Variants in ADAMTS12 observed in about 807,000 individuals in gnomAD.
ADAMTS12 encodes A disintegrin and metalloproteinase with thrombospondin motifs 12.
Under a neutral mutation model 167.8 loss-of-function variants are expected in ADAMTS12, and 118 were observed. That is an observed-to-expected ratio of 0.70 (90% CI 0.61 to 0.82). ADAMTS12 has a LOEUF of 0.82. Ranked by LOEUF, ADAMTS12 falls within the 40% of genes least tolerant of loss-of-function variation. ADAMTS12 has a pLI of 0.00. For synonymous variants in ADAMTS12, 704 were observed against 716.9 expected (o/e 0.98, Z 0.29); for missense variants, 1,916 against 1,998.8 (o/e 0.96, Z 0.79).
intron 19 of ADAMTS12, among the ~76,000 whole-genome samples, chr5:33,571,239 A>C (rs1201793195): frequency 2.0e-5 from 3 of 152,166 alleles, no homozygotes; most frequent in Admixed American, 6.5e-5. Context: ...CTCTGCACCA[A>C]GTGGACCTAA....
chr5:33,534,735 A>G (rs1278684852), intron 23 of ADAMTS12, 98 bp downstream of exon 23: 6 of 1,451,442 alleles, frequency 4.1e-6, no homozygotes, highest in African/African-American at 1.4e-5. Flanking sequence ...AAGATTTTCT[A>G]TTCAGTAAAA....
chr5:33,695,504 G>T (rs1742723234), intron 3 of ADAMTS12, among the ~76,000 whole-genome samples: 1 of 152,158 alleles, frequency 6.6e-6, no homozygotes, highest in Non-Finnish European at 1.5e-5. Context: ...ATGAAATATT[G>T]TTCAGCCTTA....
At chr5:33,779,411 C>G (rs559215054) in intron 2 of ADAMTS12, among the ~76,000 whole-genome samples, 1 of 152,210 alleles carries the variant, frequency 6.6e-6, no homozygotes, top group South Asian at 2.1e-4. Context: ...GTCTTGAACT[C>G]CTGACCTCAA....
chr5:33,870,229 T>C (rs1343773623), intron 2 of ADAMTS12, among the ~76,000 whole-genome samples: 1 of 152,180 alleles, frequency 6.6e-6, no homozygotes, highest in Non-Finnish European at 1.5e-5. Flanking sequence ...CACAGGGTCC[T>C]GAGGCGACAT....
At chr5:33,832,618 G>A (rs780957056) in intron 2 of ADAMTS12, among the ~76,000 whole-genome samples, 46 of 152,278 alleles carry the variant, frequency 3.0e-4, no homozygotes, top group African/African-American at 1.0e-3. Context: ...CTGGCAATGC[G>A]CATGCTCAGA....
At chr5:33,720,006 C>G (rs1219689344) in intron 3 of ADAMTS12, among the ~76,000 whole-genome samples, 1 of 152,030 alleles carries the variant, frequency 6.6e-6, no homozygotes, top group Non-Finnish European at 1.5e-5. Flanking sequence ...GTATGGTGAC[C>G]TTATACATCT....
chr5:33,655,431 A>G (rs1420722613), intron 7 of ADAMTS12, among the ~76,000 whole-genome samples: 1 of 152,044 alleles, frequency 6.6e-6, no homozygotes, highest in Non-Finnish European at 1.5e-5. Flanking sequence ...TGTGTTGTAT[A>G]TCGTTCTTGG....
At position 33,859,728 on chromosome 5, in the gene ADAMTS12, G is replaced by A. The variant is rs187473265; in HGVS notation, c.489+21391C>T. On this transcript the variant is annotated intron_variant, in intron 2 of 23. Transcript: ENST00000504830. The stretch of plus-strand genomic sequence containing the variant: ...CCTCCTGACTGGGAAACACCTCCCA[G>A]CAGGGGTCGACAGACACCTCATACA... Among the ~76,000 whole-genome samples the A allele has an allele frequency of 7.9e-5, 12 of 152,276 alleles. 1 individual carries two copies. Among genetic ancestry groups the A allele is most frequent in the Non-Finnish European group, 1.5e-5 (1 of 68,012 alleles).
chr5:33,850,991 G>A (rs181535330), intron 2 of ADAMTS12, among the ~76,000 whole-genome samples: 25 of 152,324 alleles, frequency 1.6e-4, no homozygotes, highest in African/African-American at 5.5e-4. Context: ...TTCTCTTAGA[G>A]CTTCTGGCTA....
intron 11 of ADAMTS12, among the ~76,000 whole-genome samples, chr5:33,641,136 G>A (rs1299275367): frequency 6.6e-6 from 1 of 151,856 alleles, no homozygotes; most frequent in Non-Finnish European, 1.5e-5. Context: ...AATTAAGAAT[G>A]TAATGTGTAT....
intron 2 of ADAMTS12, among the ~76,000 whole-genome samples, chr5:33,849,939 C>T (rs917269916): frequency 6.6e-5 from 10 of 151,830 alleles, no homozygotes; most frequent in African/African-American, 2.4e-4. Flanking sequence ...AATATATACA[C>T]ACACTATACT....
chr5:33,676,172 T>C (rs1040155459), intron 5 of ADAMTS12, among the ~76,000 whole-genome samples: 2 of 152,200 alleles, frequency 1.3e-5, no homozygotes, highest in Non-Finnish European at 2.9e-5. Context: ...GAAGAAATCA[T>C]AGAAAGCTCA....
chr5:33,752,131 G>A (rs980284066), intron 2 of ADAMTS12, among the ~76,000 whole-genome samples: 3 of 152,212 alleles, frequency 2.0e-5, no homozygotes, highest in African/African-American at 7.2e-5. Context: ...TAGGGAAAGG[G>A]GAATATTCTC....
intron 2 of ADAMTS12, among the ~76,000 whole-genome samples, chr5:33,857,794 T>C (rs929438560): frequency 1.7e-4 from 26 of 152,238 alleles, no homozygotes; most frequent in African/African-American, 6.0e-4. Flanking sequence ...TCGCTTCACC[T>C]GGAAGACCTA....
intron 2 of ADAMTS12, among the ~76,000 whole-genome samples, chr5:33,835,236 G>A (rs1310841309): frequency 6.6e-6 from 1 of 152,070 alleles, no homozygotes; most frequent in Non-Finnish European, 1.5e-5. Context: ...AAGGCAGGGG[G>A]GCCATGTCTG....
intron 2 of ADAMTS12, among the ~76,000 whole-genome samples, chr5:33,829,557 T>C (rs1748218296): frequency 6.6e-6 from 1 of 152,160 alleles, no homozygotes. Flanking sequence ...TAAGAAATGA[T>C]TTCCCAAGAA....
intron 2 of ADAMTS12, among the ~76,000 whole-genome samples, chr5:33,804,763 A>G (rs534540238): frequency 2.0e-5 from 3 of 152,362 alleles, no homozygotes; most frequent in Non-Finnish European, 4.4e-5. Context: ...AGAATCATTC[A>G]GAAATTTCAA....
intron 14 of ADAMTS12, among the ~76,000 whole-genome samples, chr5:33,622,663 A>G (rs532466830): frequency 6.6e-6 from 1 of 152,348 alleles, no homozygotes; most frequent in East Asian, 1.9e-4. Context: ...AAAAAACAAA[A>G]ACAGAAACAA....
intron 16 of ADAMTS12, among the ~76,000 whole-genome samples, 154 bp from the exon 17 acceptor site, chr5:33,596,214 G>A (rs748786324): frequency 6.6e-6 from 1 of 152,084 alleles, no homozygotes; most frequent in Non-Finnish European, 1.5e-5. Flanking sequence ...TGAAGAATAG[G>A]GACCTCTTAC....
Sources: allele counts gnomAD v4.1 joint callset (sites outside exome capture counted in the v4.1 genomes callset), GRCh38; gene constraint gnomAD v4.1.1; transcripts MANE v1.5; gene names NCBI Gene and HGNC (gene_info 2026-07-23, HGNC 2026-07-21).